RPH3AL: variants seen among roughly 807,000 people sequenced by gnomAD.
The protein encoded by RPH3AL is rabphilin 3A like (without C2 domains).
RPH3AL carries 38 observed loss-of-function variants against 43.1 expected under a neutral mutation model. That is an observed-to-expected ratio of 0.88 (90% confidence interval 0.68 to 1.15). The LOEUF (loss-of-function observed/expected upper bound fraction) is 1.15, where lower values mean the gene tolerates loss of function less well. Among genes scored for constraint, RPH3AL ranks in the 50% most tolerant of loss-of-function variants. The probability of loss-of-function intolerance (pLI) is 0.00; values close to 1 mark genes in which losing one functional copy is unlikely to be tolerated. For synonymous variants in RPH3AL, 189 were observed against 176.3 expected (o/e 1.07, Z -0.57); for missense variants, 462 against 423.2 (o/e 1.09, Z -0.81).
chr17:279,564 G>A (rs2042731042), intron 6 of RPH3AL, among the ~76,000 whole-genome samples: 1 of 152,182 alleles, frequency 6.6e-6, no homozygotes, highest in Non-Finnish European at 1.5e-5. Flanking sequence ...GTTACGGAGT[G>A]TGAGGGTGAC....
intron 6 of RPH3AL, among the ~76,000 whole-genome samples, chr17:273,023 A>AGAGACCCCAGCGAGGGCGACGTCAGGGT (rs1567604650): frequency 1.6e-4 from 13 of 83,622 alleles, no homozygotes; most frequent in Admixed American, 6.0e-4. Flanking sequence ...GACATCAGGA[A>AGAGACCCCAGCGAGGGCGACGTCAGGGT]GAGACCCCAG....
intron 2 of RPH3AL, among the ~76,000 whole-genome samples, chr17:327,791 A>G (rs1304888031): frequency 3.3e-5 from 5 of 152,214 alleles, no homozygotes; most frequent in African/African-American, 1.2e-4. Context: ...GAGGGTGACC[A>G]GGTGGATCAT....
At chr17:316,900 T>A (rs1251474256) in intron 5 of RPH3AL, among the ~76,000 whole-genome samples, 3 of 151,102 alleles carry the variant, frequency 2.0e-5, no homozygotes, top group Admixed American at 2.0e-4. Context: ...GTAGTCCCTG[T>A]GCTCCACCTC....
intron 6 of RPH3AL, among the ~76,000 whole-genome samples, chr17:272,696 G>C (rs62052695): frequency 6.7e-6 from 1 of 150,360 alleles, no homozygotes. Context: ...ACATGGCACA[G>C]GTATACAGAT....
At chr17:316,376 A>T (rs2044185543) in intron 5 of RPH3AL, among the ~76,000 whole-genome samples, 1 of 141,042 alleles carries the variant, frequency 7.1e-6, no homozygotes, top group Non-Finnish European at 1.5e-5. Context: ...ATTGACCTGT[A>T]GTCTCTCTGC....
chr17:215,390 C>T lies in RPH3AL; in HGVS notation c.876+264G>A, dbSNP rs981896398. Among the ~76,000 whole-genome samples, 18 of 152,196 alleles carry T rather than the reference C, an allele frequency of 1.2e-4. No homozygotes were observed. Among genetic ancestry groups the T allele is most frequent in the African/African-American group, 4.1e-4 (17 of 41,450 alleles). The stretch of plus-strand genomic sequence containing the variant: ...AAGTTCGCCCCAGGGGAGCCCGACA[C>T]GTTTTATGTAGCAGAGGATGGTAAC... On this transcript the variant is annotated intron_variant, in intron 9 of 9. Transcript: ENST00000331302. The surrounding 1 kb of genome is among the most constrained non-coding windows in gnomAD (Gnocchi z 4.1).
In RPH3AL at chr17:303,351, G is replaced by A. The variant is rs375746401; in HGVS notation, c.351+16069C>T. On this transcript the variant is annotated intron_variant, in intron 5 of 9. Transcript: ENST00000331302. ...GGCTGCCGTGAGCTAAGATCACACC[G>A]CTGCACTCCAGCCGGGGCAGCACAG... is the stretch of plus-strand genomic sequence containing the variant. Among the ~76,000 whole-genome samples, 218 of 151,974 alleles carry A rather than the reference G, an allele frequency of 1.4e-3. 1 individual carries two copies. The highest frequency in any genetic ancestry group is 5.0e-3 in the African/African-American group (206 of 41,412).
intron 8 of RPH3AL, among the ~76,000 whole-genome samples, chr17:218,430 A>T (rs969526757): frequency 6.7e-6 from 1 of 150,006 alleles, no homozygotes; most frequent in Non-Finnish European, 1.5e-5. Flanking sequence ...GGCAGTTATT[A>T]TGGAGCCCTT....
intron 7 of RPH3AL, among the ~76,000 whole-genome samples, chr17:232,839 T>C (rs1165174631): frequency 6.5e-5 from 2 of 30,648 alleles, no homozygotes; most frequent in Non-Finnish European, 1.2e-4. Flanking sequence ...CGTGTGTGTG[T>C]GTGTGTGTGT....
At chr17:263,545 A>G (rs907190291) in intron 6 of RPH3AL, among the ~76,000 whole-genome samples, 4 of 152,242 alleles carry the variant, frequency 2.6e-5, no homozygotes, top group Non-Finnish European at 5.9e-5. Flanking sequence ...TTTTAAAACC[A>G]TATGATGTGT....
intron 7 of RPH3AL, among the ~76,000 whole-genome samples, chr17:238,317 AAGAGAGAGAGAAAGAGAAAAAG>A (rs2041450735): frequency 1.3e-5 from 2 of 152,146 alleles, no homozygotes; most frequent in South Asian, 2.1e-4. Context: ...AAACTCCAGA[AAGAGAGAGAGAAAGAGAAAAAG>A]AGAGAGAGAG....
Position 264,659 on chromosome 17 carries a change from G to C in RPH3AL, c.438+17109C>G, listed in dbSNP as rs115820597. 5.7e-3 allele frequency among the ~76,000 whole-genome samples: 861 copies of C among 152,330 alleles called. 8 individuals are homozygous for C. Among genetic ancestry groups the C allele is most frequent in the African/African-American group, 0.019 (791 of 41,562 alleles). Reference sequence around the variant, plus strand: ...ATTGGACACATTTGTGACCACACAGGACCAACGCAGGAAGAGGTCAGCATT... The same window carrying C: ...ATTGGACACATTTGTGACCACACAGCACCAACGCAGGAAGAGGTCAGCATT... On this transcript the variant is annotated intron_variant, in intron 6 of 9. Transcript: ENST00000331302. The surrounding 1 kb of genome is among the most constrained non-coding windows in gnomAD (Gnocchi z 4.8).
At chr17:342,415 T>C (rs1479323867) in intron 1 of RPH3AL, among the ~76,000 whole-genome samples, 5 of 152,192 alleles carry the variant, frequency 3.3e-5, no homozygotes, top group African/African-American at 9.7e-5. Context: ...CCAATGCTCA[T>C]AGCAGCACCA....
At chr17:343,717 A>G (rs73286636) in intron 1 of RPH3AL, among the ~76,000 whole-genome samples, 8,560 of 152,198 alleles carry the variant, frequency 0.056, 816 homozygotes, top group African/African-American at 0.19. Flanking sequence ...TGCGGGTGCT[A>G]TTGACTACTA....
rs966560334 is a variant in RPH3AL, at chr17:328,327, A to C, written c.-36-748T>G. Reference sequence around the variant, plus strand: ...CTGAGGATGCCACGCGTGCATTCTGAAGGGAGTGTGGGATGAGGCCGAGGG... The same window carrying C: ...CTGAGGATGCCACGCGTGCATTCTGCAGGGAGTGTGGGATGAGGCCGAGGG... On this transcript the variant is annotated intron_variant, in intron 2 of 9. Coordinates refer to ENST00000331302, the MANE Select transcript of RPH3AL (RefSeq NM_006987.4). This position sits in a 1 kb window ranked among gnomAD's most constrained non-coding sequence, Gnocchi z 4.2. Among the ~76,000 whole-genome samples the C allele has an allele frequency of 6.6e-6, 1 of 151,466 alleles. No individual in the cohort carries two copies.
intron 6 of RPH3AL, among the ~76,000 whole-genome samples, chr17:251,811 C>A (rs1415281688): frequency 2.0e-5 from 3 of 152,234 alleles, no homozygotes; most frequent in Non-Finnish European, 4.4e-5. Context: ...TCATCCTGCC[C>A]TGAGCACGTC....
At position 289,721 on chromosome 17, in the gene RPH3AL, G is replaced by A. The variant is rs959844482; in HGVS notation, c.352-7867C>T. ...CCTCTGAGCTCCAGCCGTGTGGGCC[G>A]TTTGTCAGCCCCTGGTCCTTCTGCC... On this transcript the variant is annotated intron_variant, in intron 5 of 9. Transcript: ENST00000331302. The surrounding 1 kb of genome is among the most constrained non-coding windows in gnomAD (Gnocchi z 5.2). 8.5e-5 allele frequency among the ~76,000 whole-genome samples: 13 copies of A among 152,302 alleles called. No homozygotes were observed. Among genetic ancestry groups the A allele is most frequent in the Non-Finnish European group, 1.8e-4 (12 of 68,028 alleles).
chr17:301,497 G>C (rs1301282505), intron 5 of RPH3AL, among the ~76,000 whole-genome samples: 1 of 152,146 alleles, frequency 6.6e-6, no homozygotes, highest in Non-Finnish European at 1.5e-5. Flanking sequence ...TAGAGAGGGG[G>C]TTTTGCCTTG....
At chr17:293,461 T>C (rs1598030303) in intron 5 of RPH3AL, among the ~76,000 whole-genome samples, 1 of 129,818 alleles carries the variant, frequency 7.7e-6, no homozygotes, top group African/African-American at 2.9e-5. Context: ...GCCGCCAGGA[T>C]GGCTGGGGGC....
Sources: allele counts gnomAD v4.1 joint callset (sites outside exome capture counted in the v4.1 genomes callset), GRCh38; gene constraint gnomAD v4.1.1; non-coding constraint Gnocchi (gnomAD v3.1); transcripts MANE v1.5; gene names NCBI Gene and HGNC (gene_info 2026-07-23, HGNC 2026-07-21).